The following EDIL3 variants were observed in gnomAD, a reference collection of about 807,000 sequenced individuals.
The protein encoded by EDIL3 is EGF-like repeat and discoidin I-like domain-containing protein 3.
Under a neutral mutation model 67.4 loss-of-function variants are expected in EDIL3, and 37 were observed. The observed-to-expected ratio is 0.55, with a 90% CI of 0.42 to 0.72. The LOEUF is 0.72. EDIL3 is among the 30% of genes least tolerant of loss of function. The probability of loss-of-function intolerance (pLI) is 0.00; values close to 1 mark genes in which losing one functional copy is unlikely to be tolerated. For synonymous variants in EDIL3, 195 were observed against 196.3 expected, an observed-to-expected ratio of 0.99 and a Z score of 0.05; for missense variants, 527 against 586.3, an observed-to-expected ratio of 0.90 and a Z score of 1.04.
intron 9 of EDIL3, among the ~76,000 whole-genome samples, chr5:84,003,110 C>T (rs1408452071): frequency 6.6e-6 from 1 of 152,190 alleles, no homozygotes; most frequent in African/African-American, 2.4e-5. Flanking sequence ...TTTGCACCTC[C>T]AGGACACCGC....
At chr5:84,130,247 C>A (rs1436633309) in intron 5 of EDIL3, among the ~76,000 whole-genome samples, 1 of 152,074 alleles carries the variant, frequency 6.6e-6, no homozygotes, top group Admixed American at 6.6e-5. Context: ...ATACATAATT[C>A]TTTTTTCTCT....
At chr5:84,191,001 A>G (rs1214517154) in intron 3 of EDIL3, among the ~76,000 whole-genome samples, 1 of 152,048 alleles carries the variant, frequency 6.6e-6, no homozygotes, top group Non-Finnish European at 1.5e-5. Context: ...CAAACTGCAA[A>G]TCATAATCTA....
intron 6 of EDIL3, among the ~76,000 whole-genome samples, chr5:84,096,359 A>C (rs1432773417): frequency 1.3e-5 from 2 of 152,208 alleles, no homozygotes; most frequent in African/African-American, 4.8e-5. Context: ...AAGATGCCCA[A>C]GACCATGGGA....
chr5:84,245,280 G>A lies in EDIL3; in HGVS notation c.196+8804C>T, dbSNP rs112727428. On this transcript the variant is annotated intron_variant, in intron 2 of 10. Transcript: ENST00000296591. Reference sequence around the variant, plus strand: ...ATTATTTAAAAAATATATTTGATAGGACAACAATCTCTTCTTTTTCTCTTC... The same window carrying A: ...ATTATTTAAAAAATATATTTGATAGAACAACAATCTCTTCTTTTTCTCTTC... 2.5e-3 allele frequency among the ~76,000 whole-genome samples: 377 copies of A among 152,110 alleles called. 1 individual carries two copies. The highest frequency in any genetic ancestry group is 8.5e-3 in the African/African-American group (351 of 41,510).
intron 1 of EDIL3, among the ~76,000 whole-genome samples, chr5:84,306,151 C>T (rs980504540): frequency 1.3e-5 from 2 of 152,042 alleles, no homozygotes; most frequent in Non-Finnish European, 2.9e-5. Flanking sequence ...ATGAATGAGG[C>T]CTTCTAGCTA....
chr5:84,112,705 T>A (rs1200733185), intron 5 of EDIL3, among the ~76,000 whole-genome samples: 1 of 152,156 alleles, frequency 6.6e-6, no homozygotes, highest in Admixed American at 6.5e-5. Context: ...CCACAACTCA[T>A]CCACATGTTT....
At chr5:84,329,396 C>T (rs1357902786) in intron 1 of EDIL3, among the ~76,000 whole-genome samples, 1 of 151,992 alleles carries the variant, frequency 6.6e-6, no homozygotes, top group Non-Finnish European at 1.5e-5. Flanking sequence ...TAATTTTACA[C>T]ATGTAAGATA....
At chr5:84,059,982 T>G (rs1000940832) in intron 9 of EDIL3, among the ~76,000 whole-genome samples, 2 of 152,180 alleles carry the variant, frequency 1.3e-5, no homozygotes, top group Non-Finnish European at 2.9e-5. Flanking sequence ...TCAAAGCCAA[T>G]ATTAATACAA....
intron 3 of EDIL3, among the ~76,000 whole-genome samples, chr5:84,224,931 A>G (rs1301615119): frequency 6.6e-6 from 1 of 151,580 alleles, no homozygotes; most frequent in Non-Finnish European, 1.5e-5. Context: ...TAAAAATGTG[A>G]ATCTCATTAG....
intron 9 of EDIL3, among the ~76,000 whole-genome samples, chr5:84,008,598 A>T (rs983050846): frequency 8.5e-5 from 13 of 152,306 alleles, no homozygotes; most frequent in African/African-American, 3.1e-4. Context: ...GAGGGTTAGG[A>T]GAAAAATGAT....
chr5:84,151,296 C>G (rs986736273), intron 4 of EDIL3, among the ~76,000 whole-genome samples: 35 of 151,440 alleles, frequency 2.3e-4, no homozygotes, highest in African/African-American at 7.8e-4. Flanking sequence ...CACACACACA[C>G]CCCGACACTC....
intron 2 of EDIL3, among the ~76,000 whole-genome samples, chr5:84,247,109 T>C (rs1744923205): frequency 6.6e-6 from 1 of 152,118 alleles, no homozygotes; most frequent in South Asian, 2.1e-4. Flanking sequence ...GCTAGCAGCT[T>C]TAGAGAAAGT....
At chr5:84,192,736 T>G (rs948312509) in intron 3 of EDIL3, among the ~76,000 whole-genome samples, 2 of 152,118 alleles carry the variant, frequency 1.3e-5, no homozygotes, top group African/African-American at 4.8e-5. Context: ...CACCTTCTAA[T>G]CTTGTGAAAC....
At chr5:84,002,234 T>C (rs1745343810) in intron 9 of EDIL3, among the ~76,000 whole-genome samples, 1 of 152,156 alleles carries the variant, frequency 6.6e-6, no homozygotes, top group Admixed American at 6.6e-5. Flanking sequence ...TTAACATCCC[T>C]TCATGATAAA....
intron 1 of EDIL3, among the ~76,000 whole-genome samples, chr5:84,326,690 T>C (rs566044871): frequency 7.2e-5 from 11 of 152,138 alleles, no homozygotes; most frequent in Admixed American, 2.0e-4. Context: ...CACTGTGCTA[T>C]ATCCAAATGT....
intron 10 of EDIL3, among the ~76,000 whole-genome samples, chr5:83,949,177 C>T (rs948345533): frequency 6.6e-6 from 1 of 151,738 alleles, no homozygotes; most frequent in African/African-American, 2.4e-5. Flanking sequence ...GGCAGCCCAA[C>T]AACACTACAG....
chr5:84,002,080 T>A (rs1201832696), intron 9 of EDIL3, among the ~76,000 whole-genome samples: 19 of 152,130 alleles, frequency 1.2e-4, no homozygotes, highest in Admixed American at 1.2e-3. Context: ...AGATCATTCA[T>A]AATGACCAAG....
intron 9 of EDIL3, among the ~76,000 whole-genome samples, chr5:84,019,200 G>A (rs1161729757): frequency 6.6e-6 from 1 of 152,088 alleles, no homozygotes; most frequent in Non-Finnish European, 1.5e-5. Context: ...ATACACCATG[G>A]AATACTATGC....
intron 9 of EDIL3, among the ~76,000 whole-genome samples, chr5:84,026,281 A>G (rs1398780786): frequency 6.6e-6 from 1 of 152,214 alleles, no homozygotes; most frequent in East Asian, 1.9e-4. Context: ...AAATCTCACT[A>G]TTTCATTAGA....
Sources: allele counts gnomAD v4.1 joint callset (sites outside exome capture counted in the v4.1 genomes callset), GRCh38; gene constraint gnomAD v4.1.1; transcripts MANE v1.5; gene names NCBI Gene and HGNC (gene_info 2026-07-23, HGNC 2026-07-21).